The following SUCLG2 variants were observed in gnomAD, a reference collection of about 807,000 sequenced individuals.
SUCLG2 encodes the protein succinate-CoA ligase GDP-forming subunit beta.
SUCLG2 carries 42 observed loss-of-function variants against 47.9 expected under a neutral mutation model. The ratio of observed to expected loss-of-function variants is 0.88; its 90% CI spans 0.69 to 1.14. SUCLG2 has a LOEUF of 1.14. SUCLG2 is among the 50% of genes most tolerant of loss of function. The pLI, the probability that SUCLG2 is intolerant of heterozygous loss-of-function variation, is 0.00. For synonymous variants in SUCLG2, 195 were observed against 197.3 expected (o/e 0.99, Z 0.10); for missense variants, 571 against 525.9 (o/e 1.09, Z -0.84).
chr3:67,409,802 T>C (rs1389285030), intron 9 of SUCLG2, among the ~76,000 whole-genome samples: 3 of 152,264 alleles, frequency 2.0e-5, no homozygotes, highest in East Asian at 3.9e-4. Flanking sequence ...CTTCCAGCTC[T>C]AAATAGAATG....
rs552448930 is a variant in SUCLG2, at chr3:67,554,737, C to T, written c.227-25551G>A. On this transcript the variant is annotated intron_variant, in intron 2 of 10. Transcript: ENST00000307227. The stretch of plus-strand genomic sequence containing the variant: ...TTGCAATTTCATAATGATCACAGTT[C>T]GTCAACATATGGCTTCCACTTCATG... Among the ~76,000 whole-genome samples the T allele has an allele frequency of 5.3e-5, 8 of 152,214 alleles. No individual in the cohort carries two copies. In the East Asian group the frequency reaches 1.3e-3, roughly 26 times the overall value.
intron 9 of SUCLG2, among the ~76,000 whole-genome samples, chr3:67,463,697 T>C (rs1206956615): frequency 3.9e-5 from 6 of 152,222 alleles, no homozygotes. Flanking sequence ...ATTTAGATAC[T>C]GTTAGCCTGG....
In SUCLG2 at chr3:67,518,271, G is replaced by A; in HGVS notation, c.636C>T (p.Gly212=). Residue 212 remains glycine (G), a synonymous_variant, in exon 6 of 11, where the codon GGC becomes GGT. Transcript: ENST00000307227. ...SQAQRMAENL[G]FVGPLKSQAA... The stretch of plus-strand genomic sequence containing the variant: ...CCTGGCTTTTCAAAGGCCCAACGAA[G>A]CCTAGATTTTCGGCCATCCGCTGAG... 1 of 1,612,242 alleles carries A rather than the reference G, an allele frequency of 6.2e-7. No individual in the cohort carries two copies. Among genetic ancestry groups the A allele is most frequent in the South Asian group, 1.1e-5 (1 of 90,726 alleles).
intron 1 of SUCLG2, among the ~76,000 whole-genome samples, chr3:67,646,945 T>A (rs1701202568): frequency 6.6e-6 from 1 of 152,178 alleles, no homozygotes; most frequent in African/African-American, 2.4e-5. Context: ...CCTATTGCCC[T>A]CCTCAAGAAC....
At chr3:67,654,356 G>A (rs537902456) in intron 1 of SUCLG2, 147 bp downstream of exon 1, 1 of 576,214 alleles carries the variant, frequency 1.7e-6, no homozygotes, top group Admixed American at 4.4e-5. Context: ...TGCTGCGCCT[G>A]GACCCGGCGC....
At chr3:67,470,677 C>G (rs1704582671) in intron 9 of SUCLG2, among the ~76,000 whole-genome samples, 1 of 152,190 alleles carries the variant, frequency 6.6e-6, no homozygotes, top group African/African-American at 2.4e-5. Flanking sequence ...AGGCCCTAAC[C>G]AGATGGTTGA....
downstream of SUCLG2, among the ~76,000 whole-genome samples, chr3:67,372,446 T>C (rs1415506069): frequency 6.6e-6 from 1 of 152,150 alleles, no homozygotes; most frequent in Non-Finnish European, 1.5e-5. Flanking sequence ...ATGCATGACA[T>C]ACTTACTAGC....
chr3:67,405,912 G>A (rs969870095), intron 9 of SUCLG2, among the ~76,000 whole-genome samples: 2 of 152,142 alleles, frequency 1.3e-5, no homozygotes, highest in Non-Finnish European at 2.9e-5. Context: ...CAGGAGGTGG[G>A]TATAATCATC....
At chr3:67,538,755 T>G (rs1706617074) in intron 2 of SUCLG2, among the ~76,000 whole-genome samples, 1 of 152,242 alleles carries the variant, frequency 6.6e-6, no homozygotes, top group South Asian at 2.1e-4. Flanking sequence ...TTTGTAGTCC[T>G]CCTTGAAGAG....
Position 67,619,606 on chromosome 3 carries a change from G to A in SUCLG2, c.85-10010C>T, listed in dbSNP as rs142906203. Among the ~76,000 whole-genome samples the A allele has an allele frequency of 3.5e-3, 529 of 152,312 alleles. 1 individual carries two copies. Among genetic ancestry groups the A allele is most frequent in the Non-Finnish European group, 6.1e-3 (413 of 68,026 alleles). On this transcript the variant is annotated intron_variant, in intron 1 of 10. Transcript: ENST00000307227. ...GGAAGGTGTGAAAGAGAGGTTGCTG[G>A]ATCGGTTTCCCTAACTCGAAAGAAT...
intron 10 of SUCLG2, among the ~76,000 whole-genome samples, chr3:67,364,082 C>A (rs1299391667): frequency 1.3e-5 from 2 of 152,200 alleles, no homozygotes; most frequent in South Asian, 4.1e-4. Context: ...CAAGGCAGGA[C>A]TCTTCTATAC....
intron 1 of SUCLG2, among the ~76,000 whole-genome samples, chr3:67,651,600 T>C (rs1432032458): frequency 6.6e-6 from 1 of 152,154 alleles, no homozygotes; most frequent in South Asian, 2.1e-4. Context: ...GGTGACCCTT[T>C]GTAGGGTGGA....
intron 1 of SUCLG2, among the ~76,000 whole-genome samples, chr3:67,653,413 A>G (rs529919268): frequency 2.6e-5 from 4 of 152,334 alleles, no homozygotes; most frequent in Non-Finnish European, 5.9e-5. Flanking sequence ...TACATTAACA[A>G]TAACAGAGAA....
chr3:67,579,365 G>A (rs1053590174), intron 2 of SUCLG2, among the ~76,000 whole-genome samples: 2 of 152,172 alleles, frequency 1.3e-5, no homozygotes, highest in Non-Finnish European at 2.9e-5. Flanking sequence ...AGTGCTCATA[G>A]AGCTTTGTTT....
chr3:67,520,567 C>A lies in SUCLG2; in HGVS notation c.485G>T (p.Cys162Phe), dbSNP rs370620811. 1.2e-6 allele frequency: 2 copies of A among 1,614,188 alleles called. No individual in the cohort carries two copies. The highest frequency in any genetic ancestry group is 2.2e-5 in the East Asian group (1 of 44,888). The change falls in exon 5 of 11, where the codon TGC (cysteine) becomes TTC (phenylalanine). Residue 162 changes from cysteine (C) to phenylalanine (F), a missense_variant. Cys to Phe is a radical substitution (Grantham distance 205). Coordinates refer to ENST00000307227, the MANE Select transcript of SUCLG2 (RefSeq NM_003848.4). ...TYLAILMDRS[C>F]NGPVLVGSPQ... ...GCTGCCCACCAGCACGGGGCCATTG[C>A]AGGACCGGTCCATCAGAATTGCCAG...
chr3:67,575,869 T>C (rs1261607641), intron 2 of SUCLG2, among the ~76,000 whole-genome samples: 2 of 152,156 alleles, frequency 1.3e-5, no homozygotes, highest in Non-Finnish European at 2.9e-5. Context: ...ATGGGTGATA[T>C]AACATGAATC....
intron 2 of SUCLG2, among the ~76,000 whole-genome samples, chr3:67,554,910 G>A (rs1276891853): frequency 6.6e-6 from 1 of 152,150 alleles, no homozygotes; most frequent in Admixed American, 6.5e-5. Context: ...CTGAGGGGTA[G>A]AAGAAGTGTT....
chr3:67,585,308 A>G (rs913159920), intron 2 of SUCLG2, among the ~76,000 whole-genome samples: 1 of 152,118 alleles, frequency 6.6e-6, no homozygotes, highest in African/African-American at 2.4e-5. Flanking sequence ...AATTAGGTTA[A>G]AGTTGCTTTG....
intron 2 of SUCLG2, among the ~76,000 whole-genome samples, chr3:67,589,751 T>C (rs764984882): frequency 5.3e-5 from 8 of 152,084 alleles, no homozygotes; most frequent in Non-Finnish European, 1.2e-4. Flanking sequence ...TGAACACACA[T>C]ACTCATGAGG....
Sources: gnomAD v4.1 joint callset for allele counts (sites outside exome capture counted in the v4.1 genomes callset) on GRCh38, gnomAD v4.1.1 for gene constraint, MANE v1.5 for transcripts, NCBI Gene and HGNC (gene_info 2026-07-23, HGNC 2026-07-21) for gene names.